The following FLNC variants were observed in gnomAD, a reference collection of about 807,000 sequenced individuals.
The protein encoded by FLNC is filamin-C.
In FLNC, 91 loss-of-function variants were observed where a neutral mutation model predicts 254.3. That is an observed-to-expected ratio of 0.36 (90% CI 0.30 to 0.43). The LOEUF is 0.43. FLNC is among the 20% of genes least tolerant of loss of function. FLNC has a pLI of 1.00. For synonymous variants in FLNC, 1,430 were observed against 1,577.2 expected, an observed-to-expected ratio of 0.91 and a Z score of 2.21; for missense variants, 2,853 against 3,802.6, an observed-to-expected ratio of 0.75 and a Z score of 6.57.
intron 1 of FLNC, among the ~76,000 whole-genome samples, chr7:128,831,865 G>C (rs913477035): frequency 1.3e-5 from 2 of 152,176 alleles, no homozygotes; most frequent in African/African-American, 4.8e-5. Flanking sequence ...TGGGCTTGGA[G>C]TGGCAGGAGG....
chr7:128,850,812 G>A lies in FLNC; in HGVS notation c.5408G>A (p.Arg1803Gln), dbSNP rs757482925. Residue 1803 changes from arginine to glutamine, a missense_variant, in exon 33 of 48, where the codon CGG (arginine) becomes CAG (glutamine). Physicochemically the swap from Arg to Gln is conservative, Grantham distance 43 (BLOSUM62 1). Transcript: ENST00000325888. ...TGTGTCTGCCCTGCAGGAGAGGTGC[G>A]GATGCCCTCGGGGAAGACGGCACGG... ...VQKGELTGEV[R>Q]MPSGKTARPN... 3.4e-5 allele frequency: 55 copies of A among 1,613,630 alleles called. 1 individual carries two copies. Among genetic ancestry groups the A allele is most frequent in the South Asian group, 1.2e-4 (11 of 91,074 alleles).
chr7:128,845,275 C>T lies in FLNC; in HGVS notation c.3790+20C>T. The T allele has an allele frequency of 6.3e-7, 1 of 1,588,706 alleles. No individual in the cohort carries two copies. Among genetic ancestry groups the T allele is most frequent in the Non-Finnish European group, 8.6e-7 (1 of 1,159,822 alleles). Reference sequence around the variant, plus strand: ...CACACGGTGAGTGGACAGGAGGAGCCAAGAAAGGTCAAGTGGCAGGTGCAG... The same window carrying T: ...CACACGGTGAGTGGACAGGAGGAGCTAAGAAAGGTCAAGTGGCAGGTGCAG... On this transcript the variant is annotated intron_variant, in intron 21 of 47. Coordinates refer to ENST00000325888, the MANE Select transcript of FLNC (RefSeq NM_001458.5).
intron 35 of FLNC, 52 bp downstream of exon 35, chr7:128,851,680 C>T (rs377333101): frequency 8.3e-5 from 132 of 1,586,282 alleles, no homozygotes; most frequent in Admixed American, 3.0e-4. Context: ...ACACCGCATA[C>T]AGTGCACTCA....
At position 128,848,624 on chromosome 7, in the gene FLNC, C is replaced by A. The variant is rs762001332; in HGVS notation, c.4644C>A (p.Gly1548=). ...DASKVRASGP[G]LNASGIPASL... Reference sequence around the variant, plus strand: ...GCAAGGTGCGGGCCAGCGGCCCAGGCCTCAACGCCTCTGGCATCCCTGCCA... The same window carrying A: ...GCAAGGTGCGGGCCAGCGGCCCAGGACTCAACGCCTCTGGCATCCCTGCCA... Residue 1548 remains glycine, a synonymous_variant, in exon 27 of 48, where the codon GGC becomes GGA. Transcript: ENST00000325888. 2.5e-6 allele frequency: 4 copies of A among 1,613,602 alleles called. No individual in the cohort carries two copies. The African/African-American group carries it at 5.3e-5, about 22-fold the overall frequency.
rs1460402659 is a variant in FLNC at position 128,844,145 on chromosome 7, A to T, written c.3071A>T (p.Gln1024Leu). The T allele has an allele frequency of 6.2e-7, 1 of 1,613,954 alleles. No homozygotes were observed. The highest frequency in any genetic ancestry group is 8.5e-7 in the Non-Finnish European group (1 of 1,180,034). The change falls in exon 20 of 48, where the codon CAG becomes CTG. Residue 1024 changes from glutamine (Q) to leucine (L), a missense_variant. Around this residue, in one of 10 missense-constraint regions of FLNC, gnomAD observed 1,573 missense variants for 1,883.5 expected, o/e 0.84. Coordinates refer to ENST00000325888, the MANE Select transcript of FLNC (RefSeq NM_001458.5). ...GAGCCAGGCGGTGGAGCGGAAGCCC[A>T]GGCTGTGCGCTACATGCCCCCGGAG... ...KLEPGGGAEA[Q>L]AVRYMPPEEG... is the part of the protein sequence containing the mutation.
In FLNC at chr7:128,858,773, T is replaced by C; in HGVS notation, c.*250T>C. 1 of 556,242 alleles carries C rather than the reference T, an allele frequency of 1.8e-6. No individual in the cohort carries two copies. The highest frequency in any genetic ancestry group is 3.2e-6 in the Non-Finnish European group (1 of 308,360). The allele number at this position is 556,242 out of a possible 1,614,324, so 34.5% of individuals were successfully genotyped here. A position where few individuals can be genotyped will look rare whatever the true frequency, so the allele number is the denominator to read the frequency against. On this transcript the variant is annotated 3_prime_UTR_variant, in exon 48 of 48. Transcript: ENST00000325888. The surrounding 1 kb of genome is among the most constrained non-coding windows in gnomAD (Gnocchi z 6.7). ...ACATGAGGGCCGACTGGGGCCAGGC[T>C]CAGGGGCAGAGGCTGGGACACAAGG...
chr7:128,854,227 C>A lies in FLNC; in HGVS notation c.6727+11C>A. Reference sequence around the variant, plus strand: ...CCCGGCAGCAGGAGGGTGAGCACCGCACACTGGGCCGGCCGGGTCCTCACG... The same window carrying A: ...CCCGGCAGCAGGAGGGTGAGCACCGAACACTGGGCCGGCCGGGTCCTCACG... On this transcript the variant is annotated intron_variant, in intron 40 of 47. Transcript: ENST00000325888. 6.2e-7 allele frequency: 1 copy of A among 1,605,826 alleles called. No individual in the cohort carries two copies. The highest frequency in any genetic ancestry group is 1.1e-5 in the South Asian group (1 of 90,554).
Position 128,854,019 on chromosome 7 carries a change from C to A in FLNC, c.6530C>A (p.Thr2177Asn), listed in dbSNP as rs756345989. 3 of 1,613,116 alleles carry A rather than the reference C, an allele frequency of 1.9e-6. No homozygotes were observed. The African/African-American group carries it at 4.0e-5, about 22-fold the overall frequency. The stretch of plus-strand genomic sequence containing the variant: ...TCTGCCCAGGAGCGCCTGACACGCA[C>A]CTTCACACGCAGCAGCCACACCTAC... ...MVSAQERLTR[T>N]FTRSSHTYTR... Residue 2177 changes from threonine (T) to asparagine (N), a missense_variant, in exon 40 of 48, where the codon ACC becomes AAC. Thr to Asn is a moderately conservative substitution (Grantham distance 65). This residue lies in a region of FLNC where 551 missense variants were observed against 835.0 expected (regional missense o/e 0.66). Transcript: ENST00000325888.
intron 10 of FLNC, 67 bp downstream of exon 10, chr7:128,840,741 G>C: frequency 1.3e-6 from 2 of 1,504,800 alleles, no homozygotes; most frequent in Non-Finnish European, 1.8e-6. Context: ...GGGGCACTGG[G>C]CTGCGAGGGA....
chr7:128,846,937 A>T lies in FLNC; in HGVS notation c.4288+32A>T. 4 of 1,613,426 alleles carry T rather than the reference A, an allele frequency of 2.5e-6. No homozygotes were observed. In the South Asian group the frequency reaches 3.3e-5, roughly 13 times the overall value. Reference sequence around the variant, plus strand: ...AGAGAGAGTGGTCGGGGTCTCAGGGAAGACAAGGGAGGGTGCAGGATGCTC... The same window carrying T: ...AGAGAGAGTGGTCGGGGTCTCAGGGTAGACAAGGGAGGGTGCAGGATGCTC... On this transcript the variant is annotated intron_variant, in intron 24 of 47. Transcript: ENST00000325888.
rs780486915 is a variant in FLNC at position 128,840,116 on chromosome 7, A to T, written c.1505A>T (p.Lys502Met). 31 of 1,613,978 alleles carry T rather than the reference A, an allele frequency of 1.9e-5. No homozygotes were observed. The Admixed American group carries it at 5.2e-4, about 27-fold the overall frequency. The part of the protein sequence containing the change: ...KEVADFKVFT[K>M]GAGSGELKVT... ...GTGGCTGACTTCAAGGTGTTTACCA[A>T]GGGTGCCGGCAGCGGGGAGCTCAAG... The change falls in exon 9 of 48, where the codon AAG becomes ATG. Residue 502 changes from lysine (K) to methionine (M), a missense_variant. Lys to Met is a moderately conservative substitution (Grantham distance 95). This residue lies in a region of FLNC where 1,573 missense variants were observed against 1,883.5 expected (regional missense o/e 0.84). Coordinates refer to ENST00000325888, the MANE Select transcript of FLNC (RefSeq NM_001458.5).
In FLNC at chr7:128,858,655, GGTGAA is replaced by G; in HGVS notation, c.*139_*143del. ...AGACACTACAAACACCTGCCTTGGG[GGTGAA>G]GTGAAGGCCCAGCCTCCCCACCCCA... On this transcript the variant is annotated 3_prime_UTR_variant, in exon 48 of 48. Coordinates refer to ENST00000325888, the MANE Select transcript of FLNC (RefSeq NM_001458.5). This position sits in a 1 kb window ranked among gnomAD's most constrained non-coding sequence, Gnocchi z 6.7. 3 of 754,520 alleles carry G rather than the reference GGTGAA, an allele frequency of 4.0e-6. No homozygotes were observed. Among genetic ancestry groups the G allele is most frequent in the South Asian group, 1.7e-5 (1 of 60,502 alleles). The allele number at this position is 754,520 out of a possible 1,614,324, so 46.7% of individuals were successfully genotyped here.
Position 128,847,775 on chromosome 7 carries a change from G to A in FLNC, c.4367G>A (p.Gly1456Asp), listed in dbSNP as rs775049569. 1.9e-6 allele frequency: 3 copies of A among 1,613,844 alleles called. No homozygotes were observed. The highest frequency in any genetic ancestry group is 2.5e-6 in the Non-Finnish European group (3 of 1,179,786). Residue 1456 changes from glycine to aspartate, a missense_variant, in exon 25 of 48, where the codon GGT (glycine) becomes GAT (aspartate). This residue lies in a region of FLNC where 1,573 missense variants were observed against 1,883.5 expected (regional missense o/e 0.84). Transcript: ENST00000325888. ...VKCSGPGLGA[G>D]VRARVPQTFT... ...TGCTCAGGGCCAGGGCTGGGGGCTGGTGTCAGGGCCCGGGTTCCTCAGACC... is the reference window on the plus strand; with the variant it reads ...TGCTCAGGGCCAGGGCTGGGGGCTGATGTCAGGGCCCGGGTTCCTCAGACC...
chr7:128,847,202 G>C lies in FLNC; in HGVS notation c.4288+297G>C, dbSNP rs182262506. 7.5e-4 allele frequency among the ~76,000 whole-genome samples: 114 copies of C among 152,366 alleles called. 4 individuals are homozygous for C. In the East Asian group the frequency reaches 0.02, roughly 26 times the overall value. Reference sequence around the variant, plus strand: ...CACTCACTGTGTGTCCAGAAACTCAGACACAGTCCACTCCTCTTGGCGGCT... The same window carrying C: ...CACTCACTGTGTGTCCAGAAACTCACACACAGTCCACTCCTCTTGGCGGCT... On this transcript the variant is annotated intron_variant, in intron 24 of 47. Coordinates refer to ENST00000325888, the MANE Select transcript of FLNC (RefSeq NM_001458.5).
Position 128,830,590 on chromosome 7 carries a change from GC to G in FLNC, c.-45del. 2 of 1,566,296 alleles carry G rather than the reference GC, an allele frequency of 1.3e-6. No homozygotes were observed. Among genetic ancestry groups the G allele is most frequent in the Non-Finnish European group, 1.7e-6 (2 of 1,143,778 alleles). On this transcript the variant is annotated 5_prime_UTR_variant, in exon 1 of 48. Coordinates refer to ENST00000325888, the MANE Select transcript of FLNC (RefSeq NM_001458.5). ...CAACAGCGCCCGACAGCCCCCGATA[GC>G]CCAAACCGCGGCCCTAGCCCCGGCC...
Position 128,840,093 on chromosome 7 carries a change from G to A in FLNC, c.1482G>A (p.Val494=). Residue 494 remains valine (V), a synonymous_variant, in exon 9 of 48, where the codon GTG becomes GTA. Coordinates refer to ENST00000325888, the MANE Select transcript of FLNC (RefSeq NM_001458.5). ...LQPKGVRVKE[V]ADFKVFTKGA... The stretch of plus-strand genomic sequence containing the variant: ...CCAAGGGTGTTCGCGTGAAAGAGGT[G>A]GCTGACTTCAAGGTGTTTACCAAGG... The A allele has an allele frequency of 6.2e-7, 1 of 1,614,168 alleles. No homozygotes were observed. The highest frequency in any genetic ancestry group is 8.5e-7 in the Non-Finnish European group (1 of 1,180,042).
At position 128,838,361 on chromosome 7, in the gene FLNC, G is replaced by C. The variant is rs776469396; in HGVS notation, c.1142G>C (p.Arg381Pro). ...ALGDANKVSA[R>P]GPGLEPVGNV... ...GGAGATGCCAACAAGGTGTCAGCCCGTGGCCCTGGCCTGGAACCTGTGGGC... is the reference window on the plus strand; with the variant it reads ...GGAGATGCCAACAAGGTGTCAGCCCCTGGCCCTGGCCTGGAACCTGTGGGC... Residue 381 changes from arginine to proline, a missense_variant, in exon 7 of 48, where the codon CGT becomes CCT. Arg to Pro is a moderately radical substitution (Grantham distance 103). This residue lies in a region of FLNC where 1,573 missense variants were observed against 1,883.5 expected (regional missense o/e 0.84). Transcript: ENST00000325888. 6.2e-7 allele frequency: 1 copy of C among 1,614,138 alleles called. No homozygotes were observed. Among genetic ancestry groups the C allele is most frequent in the African/African-American group, 1.3e-5 (1 of 75,060 alleles).
chr7:128,833,282 C>T (rs1288135468), intron 1 of FLNC, among the ~76,000 whole-genome samples: 1 of 152,246 alleles, frequency 6.6e-6, no homozygotes, highest in African/African-American at 2.4e-5. Flanking sequence ...GCTGTCCCAG[C>T]ACCTCCCTAG....
Position 128,848,042 on chromosome 7 carries a change from G to T in FLNC, c.4554G>T (p.Lys1518Asn). The T allele has an allele frequency of 6.2e-7, 1 of 1,606,752 alleles. No individual in the cohort carries two copies. Among genetic ancestry groups the T allele is most frequent in the Non-Finnish European group, 8.5e-7 (1 of 1,176,426 alleles). ...ATDGPYTVAVKYADQEVPRSP... is the reference protein window; with the variant it reads ...ATDGPYTVAVNYADQEVPRSP... ...ACGGGCCCTACACGGTAGCCGTCAAGTATGCTGACCAGGAGGTGCCACGCA... is the reference window on the plus strand; with the variant it reads ...ACGGGCCCTACACGGTAGCCGTCAATTATGCTGACCAGGAGGTGCCACGCA... Residue 1518 changes from lysine (K) to asparagine (N), a missense_variant, in exon 26 of 48, where the codon AAG becomes AAT. Around this residue, in one of 10 missense-constraint regions of FLNC, gnomAD observed 1,573 missense variants for 1,883.5 expected, o/e 0.84. Transcript: ENST00000325888.
Sources: allele counts gnomAD v4.1 joint callset (sites outside exome capture counted in the v4.1 genomes callset), GRCh38; gene constraint gnomAD v4.1.1; regional missense constraint gnomAD v4.1.1; non-coding constraint Gnocchi (gnomAD v3.1); transcripts MANE v1.5; gene names NCBI Gene and HGNC (gene_info 2026-07-23, HGNC 2026-07-21).